Variants in IMPACT observed in about 807,000 individuals in gnomAD.
IMPACT encodes protein IMPACT.
Under a neutral mutation model 47.5 loss-of-function variants are expected in IMPACT, and 35 were observed. The observed-to-expected ratio is 0.74, with a 90% CI of 0.56 to 0.98. The LOEUF is 0.98. Ranked by LOEUF, IMPACT falls within the 50% of genes least tolerant of loss-of-function variation. The pLI is 0.00. For synonymous variants in IMPACT, 118 were observed against 125.6 expected (o/e 0.94, Z 0.40); for missense variants, 373 against 394.8 (o/e 0.94, Z 0.47).
intron 9 of IMPACT, 145 bp downstream of exon 9, chr18:24,448,328 A>T: frequency 2.0e-6 from 1 of 489,160 alleles, no homozygotes; most frequent in East Asian, 3.1e-5. Context: ...ATGTTAAAAT[A>T]TTGATTGAAT....
At chr18:24,439,523 G>A (rs1302999537) in intron 5 of IMPACT, 1 of 151,772 alleles carries the variant, frequency 6.6e-6, no homozygotes, top group South Asian at 2.1e-4. Flanking sequence ...TGTAGTCCCA[G>A]CTACTCGGGA....
chr18:24,437,148 T>G (rs1257280864), intron 4 of IMPACT, among the ~76,000 whole-genome samples: 1 of 152,130 alleles, frequency 6.6e-6, no homozygotes, highest in Non-Finnish European at 1.5e-5. Context: ...AGGGAAACTT[T>G]TAGAGGAAGG....
Position 24,439,466 on chromosome 18 carries a change from T to C in IMPACT, c.368-1030T>C, listed in dbSNP as rs549697806. The C allele has an allele frequency of 6.6e-5, 10 of 152,232 alleles. No homozygotes were observed. The East Asian group carries it at 1.9e-3, about 30-fold the overall frequency. The allele number at this position is 152,232 out of a possible 1,614,324, so 9.4% of individuals were successfully genotyped here. A position where few individuals can be genotyped will look rare whatever the true frequency, so the allele number is the denominator to read the frequency against. ...TTCTGGCTAACACGATGAAACCCCG[T>C]CTGTACTAAAAATACAAAAAATTAG... On this transcript the variant is annotated intron_variant, in intron 5 of 10. Coordinates refer to ENST00000284202, the MANE Select transcript of IMPACT (RefSeq NM_018439.4).
intron 5 of IMPACT, among the ~76,000 whole-genome samples, chr18:24,439,150 G>C (rs1367349439): frequency 2.0e-5 from 3 of 152,150 alleles, no homozygotes; most frequent in Admixed American, 1.3e-4. Flanking sequence ...AAGACAGTCT[G>C]CTTTACTCAA....
intron 4 of IMPACT, among the ~76,000 whole-genome samples, chr18:24,431,197 C>T (rs1182454933): frequency 3.9e-5 from 6 of 152,042 alleles, no homozygotes; most frequent in African/African-American, 1.4e-4. Flanking sequence ...GAGTTTGAAA[C>T]AAGACCTGAC....
chr18:24,449,537 C>G (rs1349834188), intron 9 of IMPACT, among the ~76,000 whole-genome samples: 2 of 152,194 alleles, frequency 1.3e-5, no homozygotes, highest in African/African-American at 2.4e-5. Flanking sequence ...ATCCTACTTG[C>G]ATGGTCTCCC....
chr18:24,440,139 A>G (rs1250858787), intron 5 of IMPACT, among the ~76,000 whole-genome samples: 1 of 142,502 alleles, frequency 7.0e-6, no homozygotes, highest in Non-Finnish European at 1.6e-5. Context: ...TTATATCAGT[A>G]TGGACTCATG....
At chr18:24,441,209 T>G (rs536797261) in intron 6 of IMPACT, among the ~76,000 whole-genome samples, 74 of 152,308 alleles carry the variant, frequency 4.9e-4, no homozygotes, top group African/African-American at 1.8e-3. Context: ...TTGTTTGTTT[T>G]TTTGAGATAG....
At position 24,448,164 on chromosome 18, in the gene IMPACT, GTCT is replaced by G. The variant is rs1248927167; in HGVS notation, c.746_748del (p.Leu249del). On this transcript the variant is annotated inframe_deletion, in exon 9 of 11. Transcript: ENST00000284202. ...GATGGGGAAACAGCAGCTGGTGGGC[GTCT>G]TCTTCATCTCATGGAGGTAGGTGTA... 1.7e-5 allele frequency: 27 copies of G among 1,612,402 alleles called. No individual in the cohort carries two copies. Among genetic ancestry groups the G allele is most frequent in the Non-Finnish European group, 2.3e-5 (27 of 1,178,702 alleles).
In IMPACT at chr18:24,445,372, T is replaced by C. The variant is rs749903775; in HGVS notation, c.595-21T>C. On this transcript the variant is annotated intron_variant, in intron 7 of 10. Transcript: ENST00000284202. ...AGCAAATATAAAAAGCATACTTATT[T>C]ATATTATTGCTGTTTTTAAGGTGAA... 1.2e-5 allele frequency: 16 copies of C among 1,380,362 alleles called. No homozygotes were observed. In the South Asian group the frequency reaches 2.0e-4, roughly 17 times the overall value. 85.5% of individuals were successfully genotyped at this position (1,380,362 alleles called of 1,614,324 possible).
At chr18:24,438,650 A>G (rs1282211429) in intron 5 of IMPACT, among the ~76,000 whole-genome samples, 2 of 152,110 alleles carry the variant, frequency 1.3e-5, no homozygotes, top group Admixed American at 6.5e-5. Flanking sequence ...AATTTTTTCT[A>G]CAGACGAGGT....
intron 6 of IMPACT, 94 bp downstream of exon 6, chr18:24,440,712 C>T: frequency 2.5e-6 from 3 of 1,186,902 alleles, no homozygotes; most frequent in Non-Finnish European, 2.3e-6. Context: ...CTAATTTTCT[C>T]CAGTTTTAGG....
chr18:24,436,803 G>A (rs8090234), intron 4 of IMPACT, among the ~76,000 whole-genome samples: 2,514 of 151,994 alleles, frequency 0.017, 78 homozygotes, highest in African/African-American at 0.057. Context: ...TGCCCACCCC[G>A]GCCCACCAAA....
intron 2 of IMPACT, 145 bp downstream of exon 2, chr18:24,428,192 C>T: frequency 1.4e-6 from 1 of 696,906 alleles, no homozygotes; most frequent in Non-Finnish European, 2.4e-6. Flanking sequence ...GCAGTTACAT[C>T]TCAGATCACT....
At chr18:24,427,884 C>A in intron 1 of IMPACT, 35 bp from the exon 2 acceptor site, 1 of 1,574,258 alleles carries the variant, frequency 6.4e-7, no homozygotes, top group Non-Finnish European at 8.6e-7. Flanking sequence ...AAGATGTGTA[C>A]ATTTGTTGAC....
chr18:24,436,016 A>T (rs1272770879), intron 4 of IMPACT, among the ~76,000 whole-genome samples: 2 of 152,320 alleles, frequency 1.3e-5, no homozygotes, highest in East Asian at 3.9e-4. Context: ...ATTTACAATG[A>T]CAAGTTTTCT....
At position 24,448,198 on chromosome 18, in the gene IMPACT, A is replaced by C; in HGVS notation, c.759+15A>C. ...ATCTCATGGAGGTAGGTGTAAGTTAAACTATCAATCCTGTTCTGTACAAGC... is the reference window on the plus strand; with the variant it reads ...ATCTCATGGAGGTAGGTGTAAGTTACACTATCAATCCTGTTCTGTACAAGC... On this transcript the variant is annotated intron_variant, in intron 9 of 10. Transcript: ENST00000284202. The C allele has an allele frequency of 6.4e-7, 1 of 1,567,432 alleles. No individual in the cohort carries two copies. Among genetic ancestry groups the C allele is most frequent in the Non-Finnish European group, 8.8e-7 (1 of 1,137,750 alleles).
intron 4 of IMPACT, chr18:24,435,487 C>T (rs751523999): frequency 4.6e-5 from 7 of 152,072 alleles, no homozygotes; most frequent in Non-Finnish European, 1.0e-4. Flanking sequence ...TTGAAATTTT[C>T]TACATCTCTT....
At chr18:24,436,595 C>T (rs1908950808) in intron 4 of IMPACT, among the ~76,000 whole-genome samples, 2 of 151,892 alleles carry the variant, frequency 1.3e-5, no homozygotes, top group African/African-American at 2.4e-5. Context: ...GTTGCCCAGG[C>T]TGGAGTGCAG....
Sources: gnomAD v4.1 joint callset for allele counts (sites outside exome capture counted in the v4.1 genomes callset) on GRCh38, gnomAD v4.1.1 for gene constraint, MANE v1.5 for transcripts, NCBI Gene and HGNC (gene_info 2026-07-23, HGNC 2026-07-21) for gene names.